The following RPH3A variants were observed in gnomAD, a reference collection of about 807,000 sequenced individuals.
RPH3A encodes the protein rabphilin-3A.
RPH3A carries 48 observed loss-of-function variants against 102.2 expected under a neutral mutation model. That is an observed-to-expected ratio of 0.47 (90% CI 0.37 to 0.60). RPH3A has a LOEUF of 0.60. Among genes scored for constraint, RPH3A ranks in the 20% least tolerant of loss-of-function variants. The pLI, the probability that RPH3A is intolerant of heterozygous loss-of-function variation, is 0.00. For synonymous variants in RPH3A, 310 were observed against 324.3 expected (o/e 0.96, Z 0.47); for missense variants, 781 against 910.1 (o/e 0.86, Z 1.83).
At chr12:112,709,836 G>A (rs578253845) in intron 1 of RPH3A, among the ~76,000 whole-genome samples, 2 of 152,130 alleles carry the variant, frequency 1.3e-5, no homozygotes, top group African/African-American at 4.8e-5. Context: ...ACAGTGGGGC[G>A]CTGATTATCC....
rs112919809 is a variant in RPH3A, at chr12:112,809,340, G to C, written c.-19+17077G>C. ...GTGGCCTGTTCTGCCTCTTCTCATC[G>C]TGGGAATCTGGGGCCACAAGAACCC... On this transcript the variant is annotated intron_variant, in intron 2 of 21. Coordinates refer to ENST00000389385, the MANE Select transcript of RPH3A (RefSeq NM_001143854.2). Among the ~76,000 whole-genome samples, 17 of 152,080 alleles carry C rather than the reference G, an allele frequency of 1.1e-4. 1 individual carries two copies. Among genetic ancestry groups the C allele is most frequent in the African/African-American group, 3.9e-4 (16 of 41,482 alleles).
intron 1 of RPH3A, among the ~76,000 whole-genome samples, chr12:112,690,704 C>T (rs2040299763): frequency 6.6e-6 from 1 of 152,182 alleles, no homozygotes. Flanking sequence ...GATCAGGGTT[C>T]CTGCCTCTTG....
chr12:112,593,290 T>C (rs1344153754), intron 1 of RPH3A, among the ~76,000 whole-genome samples: 4 of 152,220 alleles, frequency 2.6e-5, no homozygotes, highest in Non-Finnish European at 2.9e-5. Flanking sequence ...AAACAAATGT[T>C]TGCTGTTTGA....
intron 1 of RPH3A, among the ~76,000 whole-genome samples, chr12:112,614,412 G>A (rs1252297182): frequency 6.6e-6 from 1 of 151,728 alleles, no homozygotes; most frequent in Non-Finnish European, 1.5e-5. Flanking sequence ...GGCTGGGCAT[G>A]GTGGCTCACT....
At chr12:112,689,619 A>G (rs2040292099) in intron 1 of RPH3A, among the ~76,000 whole-genome samples, 1 of 152,134 alleles carries the variant, frequency 6.6e-6, no homozygotes. Context: ...TTCTTCAACA[A>G]TTTTCTGCAA....
At chr12:112,652,482 A>G (rs1049359824) in intron 1 of RPH3A, among the ~76,000 whole-genome samples, 4 of 152,118 alleles carry the variant, frequency 2.6e-5, no homozygotes, top group Non-Finnish European at 4.4e-5. Flanking sequence ...AAAAACAACA[A>G]AACTCCAAAC....
At chr12:112,708,370 G>A (rs529807329) in intron 1 of RPH3A, among the ~76,000 whole-genome samples, 4 of 152,264 alleles carry the variant, frequency 2.6e-5, no homozygotes, top group African/African-American at 9.6e-5. Flanking sequence ...GGCGGATGGC[G>A]GCATTTGCAA....
intron 1 of RPH3A, among the ~76,000 whole-genome samples, chr12:112,724,200 G>A (rs1368880028): frequency 6.6e-6 from 1 of 151,862 alleles, no homozygotes; most frequent in Non-Finnish European, 1.5e-5. Flanking sequence ...GGGACCACAG[G>A]CACATGACAC....
chr12:112,579,418 A>G (rs1289533044), intron 1 of RPH3A, among the ~76,000 whole-genome samples: 1 of 152,106 alleles, frequency 6.6e-6, no homozygotes, highest in Non-Finnish European at 1.5e-5. Flanking sequence ...GTATCATTTG[A>G]ACTTCATGAA....
chr12:112,778,832 A>T (rs751440934), intron 1 of RPH3A, among the ~76,000 whole-genome samples: 2 of 152,246 alleles, frequency 1.3e-5, no homozygotes, highest in South Asian at 2.1e-4. Flanking sequence ...ATTGGCTTGC[A>T]TTGAGCCACA....
intron 1 of RPH3A, chr12:112,617,925 A>G (rs778089144): frequency 6.6e-6 from 1 of 152,212 alleles, no homozygotes; most frequent in Non-Finnish European, 1.5e-5. Context: ...TGATAAATCT[A>G]AATAAGGCAG....
intron 2 of RPH3A, among the ~76,000 whole-genome samples, chr12:112,797,361 A>G (rs1008464375): frequency 6.6e-6 from 1 of 152,176 alleles, no homozygotes; most frequent in African/African-American, 2.4e-5. Flanking sequence ...AGGGGGCTGC[A>G]TTACTAGGCT....
intron 5 of RPH3A, chr12:112,850,751 T>C (rs556969607): frequency 1.3e-5 from 2 of 152,374 alleles, no homozygotes; most frequent in Non-Finnish European, 2.9e-5. Flanking sequence ...ACATCAGACA[T>C]GGAGCCAAAC....
intron 1 of RPH3A, among the ~76,000 whole-genome samples, chr12:112,604,673 A>G (rs2039582750): frequency 6.6e-6 from 1 of 152,224 alleles, no homozygotes; most frequent in Non-Finnish European, 1.5e-5. Context: ...GCATTTCAGT[A>G]TAGCTTAGCT....
At chr12:112,736,937 T>C (rs1450788267) in intron 1 of RPH3A, among the ~76,000 whole-genome samples, 1 of 152,062 alleles carries the variant, frequency 6.6e-6, no homozygotes, top group East Asian at 1.9e-4. Flanking sequence ...GGAGGATCAC[T>C]TGAGCCCAGG....
Position 112,747,592 on chromosome 12 carries a change from G to A in RPH3A, c.-139-44551G>A, listed in dbSNP as rs148065322. Among the ~76,000 whole-genome samples the A allele has an allele frequency of 1.5e-3, 221 of 152,192 alleles. 1 individual carries two copies. Among genetic ancestry groups the A allele is most frequent in the Middle Eastern group, 0.01 (3 of 294 alleles). The stretch of plus-strand genomic sequence containing the variant: ...AGTGCCTGGCACATAGCAAGTGCTC[G>A]GTCAATATTTGTTGAATGAATGAGT... On this transcript the variant is annotated intron_variant, in intron 1 of 21. Transcript: ENST00000543106.
chr12:112,613,577 A>T (rs1360447461), intron 1 of RPH3A, among the ~76,000 whole-genome samples: 1 of 152,164 alleles, frequency 6.6e-6, no homozygotes, highest in Non-Finnish European at 1.5e-5. Flanking sequence ...CCAATCCATC[A>T]CCCAGATCCT....
chr12:112,655,343 A>T (rs2040003439), intron 1 of RPH3A, among the ~76,000 whole-genome samples: 1 of 152,188 alleles, frequency 6.6e-6, no homozygotes. Flanking sequence ...TTCATTATGT[A>T]ATGAATAATG....
chr12:112,673,386 A>G (rs1320868214), intron 1 of RPH3A, among the ~76,000 whole-genome samples: 1 of 152,078 alleles, frequency 6.6e-6, no homozygotes, highest in Non-Finnish European at 1.5e-5. Flanking sequence ...GCTGGTATAC[A>G]GTGGCATGAA....
Sources: allele counts gnomAD v4.1 joint callset (sites outside exome capture counted in the v4.1 genomes callset), GRCh38; gene constraint gnomAD v4.1.1; transcripts MANE v1.5; gene names NCBI Gene and HGNC (gene_info 2026-07-23, HGNC 2026-07-21).